Variants in SCAMP1 observed in about 807,000 individuals in gnomAD.
The protein encoded by SCAMP1 is secretory carrier membrane protein 1, also known as secretory carrier-associated membrane protein 1.
SCAMP1 carries 15 observed loss-of-function variants against 41.8 expected under a neutral mutation model. The observed-to-expected ratio is 0.36, with a 90% CI of 0.24 to 0.55. The LOEUF (loss-of-function observed/expected upper bound fraction) is 0.55. Among genes scored for constraint, SCAMP1 ranks in the 20% least tolerant of loss-of-function variants. The pLI is 0.86. For missense variants in SCAMP1, 341 were observed against 412.6 expected (o/e 0.83, Z 1.50); for synonymous variants, 135 against 136.8 (o/e 0.99, Z 0.09).
intron 5 of SCAMP1, 78 bp from the exon 6 acceptor site, chr5:78,421,719 TTTTA>T: frequency 6.4e-6 from 8 of 1,256,548 alleles, no homozygotes. Context: ...GGAAGTATTT[TTTTA>T]TTTACAATTT....
At chr5:78,453,024 A>C (rs1161994027) in intron 7 of SCAMP1, among the ~76,000 whole-genome samples, 1 of 145,658 alleles carries the variant, frequency 6.9e-6, no homozygotes, top group African/African-American at 2.6e-5. Flanking sequence ...CCACTTTTTG[A>C]TGGGGTTGTT....
Position 78,398,541 on chromosome 5 carries a change from A to AT in SCAMP1, c.135+9655dup, listed in dbSNP as rs57209214. Among the ~76,000 whole-genome samples, 200 of 44,288 alleles carry AT rather than the reference A, an allele frequency of 4.5e-3. 19 individuals carry two copies. Among genetic ancestry groups the AT allele is most frequent in the Non-Finnish European group, 7.1e-3 (169 of 23,726 alleles). 29.1% of individuals were successfully genotyped at this position (44,288 alleles called of 152,430 possible). A position where few individuals can be genotyped will look rare whatever the true frequency, so the allele number is the denominator to read the frequency against. On this transcript the variant is annotated intron_variant, in intron 2 of 8. Transcript: ENST00000621999. ...CACTGTTTCTGGCCCAAGGTTCACT[A>AT]TTTTTTTTTTTTTTTTTTTTTTTTT...
intron 1 of SCAMP1, among the ~76,000 whole-genome samples, chr5:78,363,219 CT>C (rs202225865): frequency 3.2e-4 from 44 of 137,572 alleles, no homozygotes; most frequent in Admixed American, 7.3e-4. Flanking sequence ...TTCTTTCTTT[CT>C]TTTTTTTTTT....
intron 8 of SCAMP1, among the ~76,000 whole-genome samples, chr5:78,465,812 A>G (rs1385941102): frequency 6.6e-6 from 1 of 152,248 alleles, no homozygotes; most frequent in East Asian, 1.9e-4. Flanking sequence ...ACTCTCAGGC[A>G]GAAGTTGAAA....
chr5:78,394,837 T>C (rs1393222204), intron 2 of SCAMP1, among the ~76,000 whole-genome samples: 1 of 152,226 alleles, frequency 6.6e-6, no homozygotes, highest in Non-Finnish European at 1.5e-5. Context: ...CGATTTGTCT[T>C]TGGCGCTAAC....
intron 6 of SCAMP1, among the ~76,000 whole-genome samples, chr5:78,423,014 GCGCACACACACA>G (rs1186634168): frequency 2.1e-4 from 2 of 9,710 alleles, no homozygotes; most frequent in African/African-American, 1.6e-3. Context: ...ACACGCGCGC[GCGCACACACACA>G]CACACACACA....
At chr5:78,433,374 G>A (rs1304059158) in intron 6 of SCAMP1, among the ~76,000 whole-genome samples, 4 of 152,044 alleles carry the variant, frequency 2.6e-5, no homozygotes, top group African/African-American at 9.7e-5. Flanking sequence ...GCCTTAAGTG[G>A]GAGGTGAGAT....
At chr5:78,458,247 C>T (rs979428327) in intron 7 of SCAMP1, among the ~76,000 whole-genome samples, 2 of 152,166 alleles carry the variant, frequency 1.3e-5, no homozygotes, top group Admixed American at 6.5e-5. Flanking sequence ...ACAAACTGTT[C>T]TCTAGAATGC....
intron 4 of SCAMP1, among the ~76,000 whole-genome samples, chr5:78,418,513 A>G (rs1259290527): frequency 2.0e-5 from 3 of 152,150 alleles, no homozygotes; most frequent in Non-Finnish European, 4.4e-5. Flanking sequence ...CTGTACATAA[A>G]TGGTTCCTGC....
chr5:78,415,266 G>C (rs895108240), intron 2 of SCAMP1, among the ~76,000 whole-genome samples: 1 of 152,028 alleles, frequency 6.6e-6, no homozygotes, highest in Non-Finnish European at 1.5e-5. Flanking sequence ...ATTAACATAC[G>C]GTATCCTGGA....
At chr5:78,391,371 C>G (rs1383112879) in intron 2 of SCAMP1, among the ~76,000 whole-genome samples, 1 of 150,946 alleles carries the variant, frequency 6.6e-6, no homozygotes. Context: ...CAGAGGCGCC[C>G]CTCACCTCCC....
intron 1 of SCAMP1, 103 bp downstream of exon 1, chr5:78,360,831 A>G: frequency 8.4e-7 from 1 of 1,192,880 alleles, no homozygotes; most frequent in Non-Finnish European, 1.2e-6. Context: ...GGCTCCCCTT[A>G]GCAGCCCAGA....
At chr5:78,411,108 G>A (rs1401424286) in intron 2 of SCAMP1, among the ~76,000 whole-genome samples, 1 of 152,104 alleles carries the variant, frequency 6.6e-6, no homozygotes, top group African/African-American at 2.4e-5. Flanking sequence ...TCTGCTGATA[G>A]TTTGTTTTGC....
At chr5:78,405,353 A>C (rs559729467) in intron 2 of SCAMP1, among the ~76,000 whole-genome samples, 3 of 152,270 alleles carry the variant, frequency 2.0e-5, no homozygotes, top group Admixed American at 2.0e-4. Flanking sequence ...CCTGTCTAGC[A>C]CGCTGATTCC....
chr5:78,373,096 C>T (rs1429633221), intron 1 of SCAMP1, among the ~76,000 whole-genome samples: 3 of 152,068 alleles, frequency 2.0e-5, no homozygotes, highest in Non-Finnish European at 2.9e-5. Flanking sequence ...CACCTTCTTA[C>T]CTTCTCCCCT....
At chr5:78,373,374 A>G (rs1211466529) in intron 1 of SCAMP1, among the ~76,000 whole-genome samples, 1 of 152,180 alleles carries the variant, frequency 6.6e-6, no homozygotes, top group East Asian at 1.9e-4. Flanking sequence ...GCAATATGCT[A>G]CTTACCTTAG....
intron 7 of SCAMP1, among the ~76,000 whole-genome samples, chr5:78,453,794 G>T (rs1004521652): frequency 1.3e-5 from 2 of 151,982 alleles, no homozygotes; most frequent in African/African-American, 4.8e-5. Context: ...CCATTTTCAC[G>T]ATATTGATTC....
chr5:78,430,012 GTTCT>G (rs1165642756), intron 6 of SCAMP1, among the ~76,000 whole-genome samples: 3 of 150,270 alleles, frequency 2.0e-5, no homozygotes, highest in African/African-American at 7.3e-5. Flanking sequence ...AGTATTTGGA[GTTCT>G]TTATTTATTA....
intron 2 of SCAMP1, among the ~76,000 whole-genome samples, chr5:78,391,899 C>G (rs901189579): frequency 2.6e-5 from 4 of 152,054 alleles, no homozygotes; most frequent in South Asian, 2.1e-4. Flanking sequence ...CGCAGGCACT[C>G]GGCAGGCTGA....
Sources: gnomAD v4.1 joint callset for allele counts (sites outside exome capture counted in the v4.1 genomes callset) on GRCh38, gnomAD v4.1.1 for gene constraint, MANE v1.5 for transcripts, NCBI Gene and HGNC (gene_info 2026-07-23, HGNC 2026-07-21) for gene names.